ARRB1: variants seen among roughly 807,000 people sequenced by gnomAD.
The protein encoded by ARRB1 is beta-arrestin-1.
In ARRB1, 21 loss-of-function variants were observed where a neutral mutation model predicts 56.8. The ratio of observed to expected loss-of-function variants is 0.37; its 90% CI spans 0.26 to 0.53. The LOEUF is 0.53. ARRB1 is among the 20% of genes least tolerant of loss of function. The probability of loss-of-function intolerance (pLI) is 0.88; values close to 1 mark genes in which losing one functional copy is unlikely to be tolerated. For synonymous variants in ARRB1, 210 were observed against 218.6 expected (o/e 0.96, Z 0.35); for missense variants, 424 against 553.7 (o/e 0.77, Z 2.35).
chr11:75,320,290 G>A (rs1217079145), intron 1 of ARRB1, among the ~76,000 whole-genome samples: 1 of 152,136 alleles, frequency 6.6e-6, no homozygotes, highest in Non-Finnish European at 1.5e-5. Context: ...AGTGGAGCCA[G>A]GCTGGCGGAG....
Position 75,335,368 on chromosome 11 carries a change from C to G in ARRB1, c.20+16220G>C, listed in dbSNP as rs546297345. Among the ~76,000 whole-genome samples, 10 of 152,202 alleles carry G rather than the reference C, an allele frequency of 6.6e-5. No individual in the cohort carries two copies. In the East Asian group the frequency reaches 1.5e-3, roughly 24 times the overall value. ...GGGAGGCTGAGACGGGAGGATTGCT[C>G]GAGCCCAGGAGTTCAAGACCAGCCT... On this transcript the variant is annotated intron_variant, in intron 1 of 15. Coordinates refer to ENST00000420843, the MANE Select transcript of ARRB1 (RefSeq NM_004041.5).
intron 1 of ARRB1, among the ~76,000 whole-genome samples, chr11:75,310,108 C>T (rs968157331): frequency 1.3e-5 from 2 of 152,136 alleles, no homozygotes; most frequent in African/African-American, 4.8e-5. Flanking sequence ...TCCCAAACCT[C>T]GGGGAGAACT....
At position 75,261,220 on chromosome 11, in the gene ARRB1, G is replaced by GTGTT. The variant is rs1945783839; in HGVS notation, c.*4942_*4943insAACA. The GTGTT allele has an allele frequency of 7.4e-6, 1 of 135,484 alleles. No individual in the cohort carries two copies. The highest frequency in any genetic ancestry group is 1.6e-5 in the Non-Finnish European group (1 of 61,410). 8.4% of individuals were successfully genotyped at this position (135,484 alleles called of 1,614,324 possible). ...TGTGTGTGTGTGTGTGTGTGTGTGT[G>GTGTT]TATAAATGCTTGTGCCTGGGTCTGT... On this transcript the variant is annotated 3_prime_UTR_variant, in exon 16 of 16. Transcript: ENST00000420843.
intron 1 of ARRB1, among the ~76,000 whole-genome samples, chr11:75,301,295 G>A (rs902170068): frequency 6.6e-6 from 1 of 152,236 alleles, no homozygotes; most frequent in Non-Finnish European, 1.5e-5. Context: ...CCTCTGGTGT[G>A]GCTGGAGTGT....
intron 2 of ARRB1, among the ~76,000 whole-genome samples, chr11:75,288,598 C>T (rs1946535428): frequency 6.6e-6 from 1 of 150,878 alleles, no homozygotes; most frequent in South Asian, 2.1e-4. Context: ...GACTAGTCAC[C>T]CTAAAATGCA....
At position 75,268,902 on chromosome 11, in the gene ARRB1, G is replaced by T. The variant is rs1946006062; in HGVS notation, c.1080C>A (p.Pro360=). The change falls in exon 14 of 16, where the codon CCC becomes CCA. Residue 360 remains proline (P), a synonymous_variant. Coordinates refer to ENST00000420843, the MANE Select transcript of ARRB1 (RefSeq NM_004041.5). ...TLMHPKPKEE[P]PHREVPENET... ...GATTCTGCTCACCTTCCCGATGCGG[G>T]GGTTCCTCTTTGGGCTTGGGGTGCA... The T allele has an allele frequency of 6.2e-7, 1 of 1,608,970 alleles. No homozygotes were observed. The highest frequency in any genetic ancestry group is 1.7e-5 in the Admixed American group (1 of 58,034).
In ARRB1 at chr11:75,333,853, C is replaced by T. The variant is rs1203426408; in HGVS notation, c.20+17735G>A. Among the ~76,000 whole-genome samples, 9 of 152,308 alleles carry T rather than the reference C, an allele frequency of 5.9e-5. No individual in the cohort carries two copies. In the East Asian group the frequency reaches 1.7e-3, roughly 29 times the overall value. Reference sequence around the variant, plus strand: ...GCAAGACATTGCTGCCAACAAACTCCGCTTCCCTGACTCTGCAGAGGGATG... The same window carrying T: ...GCAAGACATTGCTGCCAACAAACTCTGCTTCCCTGACTCTGCAGAGGGATG... On this transcript the variant is annotated intron_variant, in intron 1 of 15. Coordinates refer to ENST00000420843, the MANE Select transcript of ARRB1 (RefSeq NM_004041.5).
chr11:75,327,593 G>GT (rs201536338), intron 1 of ARRB1, among the ~76,000 whole-genome samples: 2,312 of 91,914 alleles, frequency 0.025, 24 homozygotes, highest in Non-Finnish European at 0.034. Flanking sequence ...TTTGTTTTTT[G>GT]TTTTTGTTTT....
chr11:75,317,941 G>A (rs894537589), intron 1 of ARRB1, among the ~76,000 whole-genome samples: 2 of 152,054 alleles, frequency 1.3e-5, no homozygotes, highest in Admixed American at 6.6e-5. Flanking sequence ...CTGAAAATGT[G>A]CTCAGATGTC....
At chr11:75,326,626 C>G (rs964112890) in intron 1 of ARRB1, among the ~76,000 whole-genome samples, 1 of 152,010 alleles carries the variant, frequency 6.6e-6, no homozygotes, top group South Asian at 2.1e-4. Context: ...GCCACAGCCT[C>G]TCTCCCACAC....
At chr11:75,313,004 C>A (rs931158510) in intron 1 of ARRB1, among the ~76,000 whole-genome samples, 1 of 152,194 alleles carries the variant, frequency 6.6e-6, no homozygotes, top group African/African-American at 2.4e-5. Flanking sequence ...ACTAATACGA[C>A]AGACATTCTT....
chr11:75,323,722 G>A (rs1376290014), intron 1 of ARRB1, among the ~76,000 whole-genome samples: 2 of 152,350 alleles, frequency 1.3e-5, no homozygotes, highest in Admixed American at 6.5e-5. Context: ...GGAAAGGTGT[G>A]CAGGGAAGAT....
chr11:75,302,716 G>T (rs1946933223), intron 1 of ARRB1, among the ~76,000 whole-genome samples: 1 of 152,180 alleles, frequency 6.6e-6, no homozygotes, highest in Admixed American at 6.5e-5. Context: ...CTGGGGATAG[G>T]TGTAAAAACT....
At position 75,284,266 on chromosome 11, in the gene ARRB1, C is replaced by G. The variant is rs759245592; in HGVS notation, c.126G>C (p.Leu42=). The G allele has an allele frequency of 6.2e-7, 1 of 1,608,478 alleles. No individual in the cohort carries two copies. ...DLVDPVDGVV[L]VDPEYLKERR... Reference sequence around the variant, plus strand: ...GCTCTTTGAGATACTCAGGATCCACCAGGACCACACCATCTGGGGAAAGGA... The same window carrying G: ...GCTCTTTGAGATACTCAGGATCCACGAGGACCACACCATCTGGGGAAAGGA... Residue 42 remains leucine (L), a synonymous_variant, in exon 4 of 16, where the codon CTG becomes CTC. Coordinates refer to ENST00000420843, the MANE Select transcript of ARRB1 (RefSeq NM_004041.5).
intron 7 of ARRB1, 50 bp downstream of exon 7, chr11:75,281,025 G>A (rs1212115141): frequency 1.9e-6 from 3 of 1,561,724 alleles, no homozygotes; most frequent in Non-Finnish European, 2.6e-6. Context: ...TGCCCATCCT[G>A]TCTCCCTCCC....
chr11:75,279,612 A>C (rs922355600), intron 7 of ARRB1, among the ~76,000 whole-genome samples: 1 of 152,040 alleles, frequency 6.6e-6, no homozygotes, highest in Non-Finnish European at 1.5e-5. Flanking sequence ...TCTGTTCCCT[A>C]ATCTGTAAAG....
intron 1 of ARRB1, among the ~76,000 whole-genome samples, chr11:75,305,700 A>T (rs1050508211): frequency 6.6e-6 from 1 of 152,192 alleles, no homozygotes; most frequent in African/African-American, 2.4e-5. Context: ...ACTCAGCACC[A>T]GCCTGCTGTA....
chr11:75,345,132 G>A lies in ARRB1; in HGVS notation c.20+6456C>T, dbSNP rs555826066. Among the ~76,000 whole-genome samples, 192 of 152,256 alleles carry A rather than the reference G, an allele frequency of 1.3e-3. 1 individual carries two copies. Among genetic ancestry groups the A allele is most frequent in the African/African-American group, 4.5e-3 (189 of 41,560 alleles). On this transcript the variant is annotated intron_variant, in intron 1 of 15. Coordinates refer to ENST00000420843, the MANE Select transcript of ARRB1 (RefSeq NM_004041.5). ...AGAGGAAAAGCTGTTCAGTTCCTGC[G>A]GTGACCTTAGTCACACACAATTCTG...
chr11:75,278,882 A>T, intron 7 of ARRB1, 138 bp from the exon 8 acceptor site: 2 of 1,234,482 alleles, frequency 1.6e-6, no homozygotes, highest in Non-Finnish European at 2.2e-6. Context: ...AACTGCAGAG[A>T]TCAGCATAGG....
Sources: gnomAD v4.1 joint callset for allele counts (sites outside exome capture counted in the v4.1 genomes callset) on GRCh38, gnomAD v4.1.1 for gene constraint, MANE v1.5 for transcripts, NCBI Gene and HGNC (gene_info 2026-07-23, HGNC 2026-07-21) for gene names.